BLVRA: variants seen among roughly 807,000 people sequenced by gnomAD.
BLVRA encodes biliverdin reductase A, also known as BVR A.
In BLVRA, 22 loss-of-function variants were observed where a neutral mutation model predicts 32.8. The ratio of observed to expected loss-of-function variants is 0.67; its 90% CI spans 0.48 to 0.96. The LOEUF (loss-of-function observed/expected upper bound fraction) is 0.96. Ranked by LOEUF, BLVRA falls within the 40% of genes least tolerant of loss-of-function variation. BLVRA has a pLI of 0.00. For synonymous variants in BLVRA, 119 were observed against 141.3 expected, an observed-to-expected ratio of 0.84 and a Z score of 1.12; for missense variants, 323 against 358.1, an observed-to-expected ratio of 0.90 and a Z score of 0.79.
intron 7 of BLVRA, among the ~76,000 whole-genome samples, chr7:43,805,102 G>GTGTAT (rs2095802712): frequency 4.6e-5 from 7 of 152,138 alleles, no homozygotes; most frequent in Admixed American, 4.6e-4. Flanking sequence ...ACAGACAGTT[G>GTGTAT]TAGCACCCTG....
chr7:43,767,541 T>G, intron 1 of BLVRA: 1 of 1,101,034 alleles, frequency 9.1e-7, no homozygotes, highest in Non-Finnish European at 1.4e-6. Context: ...CTGGCCCTCT[T>G]TATGTATGTG....
chr7:43,795,791 C>G (rs2095791986), intron 5 of BLVRA, among the ~76,000 whole-genome samples: 1 of 151,580 alleles, frequency 6.6e-6, no homozygotes, highest in Non-Finnish European at 1.5e-5. Context: ...ATAAAATTGA[C>G]AGAATTTTAG....
chr7:43,805,710 A>T (rs1563554251), intron 7 of BLVRA, among the ~76,000 whole-genome samples: 1 of 151,990 alleles, frequency 6.6e-6, no homozygotes, highest in Non-Finnish European at 1.5e-5. Flanking sequence ...GCATTTTTAA[A>T]TTTTTTTATC....
chr7:43,776,972 A>T (rs140441017), intron 2 of BLVRA, among the ~76,000 whole-genome samples: 4 of 151,782 alleles, frequency 2.6e-5, no homozygotes, highest in African/African-American at 9.7e-5. Flanking sequence ...AACCCCTACC[A>T]TTTTTTGTTT....
In BLVRA at chr7:43,787,789, GT is replaced by G; in HGVS notation, c.13-111del. 6.5e-7 allele frequency: 1 copy of G among 1,529,006 alleles called. No homozygotes were observed. The highest frequency in any genetic ancestry group is 1.1e-5 in the South Asian group (1 of 88,796). 94.7% of individuals were successfully genotyped at this position (1,529,006 alleles called of 1,614,324 possible). ...ATCCTGATGCTGTGGCTTCCTGTGT[GT>G]TTTGGGCTGGCTTCCATCTTGCTCG... On this transcript the variant is annotated intron_variant, in intron 2 of 7. Coordinates refer to ENST00000265523, the MANE Select transcript of BLVRA (RefSeq NM_000712.4). The surrounding 1 kb of genome is among the most constrained non-coding windows in gnomAD (Gnocchi z 4.5).
At chr7:43,762,511 G>A (rs1032917543) in intron 1 of BLVRA, among the ~76,000 whole-genome samples, 5 of 150,320 alleles carry the variant, frequency 3.3e-5, no homozygotes, top group African/African-American at 9.8e-5. Flanking sequence ...TTAATTTACT[G>A]TGAGATTTTG....
At chr7:43,799,744 G>C (rs775905128) in intron 5 of BLVRA, among the ~76,000 whole-genome samples, 4 of 152,012 alleles carry the variant, frequency 2.6e-5, no homozygotes, top group Non-Finnish European at 5.9e-5. Context: ...AAAGTGCTGG[G>C]ATTATAGGCA....
At chr7:43,788,090 G>C in intron 3 of BLVRA, 65 bp downstream of exon 3, 2 of 1,613,220 alleles carry the variant, frequency 1.2e-6, no homozygotes, top group Non-Finnish European at 1.7e-6. Context: ...TTAGCTGCAG[G>C]ACATGGAGAT....
chr7:43,781,300 A>G (rs79213456), intron 2 of BLVRA, among the ~76,000 whole-genome samples: 8,384 of 151,542 alleles, frequency 0.055, 334 homozygotes, highest in Admixed American at 0.11. Flanking sequence ...TATAGTCACA[A>G]CCTCCCCTTG....
intron 1 of BLVRA, among the ~76,000 whole-genome samples, chr7:43,761,828 CAAAA>C (rs1171008280): frequency 6.6e-6 from 1 of 151,948 alleles, no homozygotes. Flanking sequence ...TACAGAGAAG[CAAAA>C]AGAAAGTAGT....
rs779568837 is a variant in BLVRA, at chr7:43,787,973, C to T, written c.82C>T (p.Arg28Trp). The T allele has an allele frequency of 9.9e-6, 16 of 1,614,040 alleles. No homozygotes were observed. The highest frequency in any genetic ancestry group is 5.0e-5 in the Admixed American group (3 of 59,998). Residue 28 changes from arginine to tryptophan, a missense_variant, in exon 3 of 8, where the codon CGG (arginine) becomes TGG (tryptophan). By Grantham distance (101) the Arg-to-Trp change is moderately radical. Transcript: ENST00000265523. This position sits in a 1 kb window ranked among gnomAD's most constrained non-coding sequence, Gnocchi z 4.5. ...CGGCTCCGTGCGGATGAGGGACTTG[C>T]GGAATCCACACCCTTCCTCAGCGTT... ...RAGSVRMRDLRNPHPSSAFLN... is the reference protein window; with the variant it reads ...RAGSVRMRDLWNPHPSSAFLN...
At chr7:43,796,133 A>AAAAG (rs1554584740) in intron 5 of BLVRA, among the ~76,000 whole-genome samples, 1 of 151,270 alleles carries the variant, frequency 6.6e-6, no homozygotes, top group African/African-American at 2.4e-5. Flanking sequence ...AAAAAAAAAA[A>AAAAG]AAAAGAAAAG....
chr7:43,791,307 A>G lies in BLVRA; in HGVS notation c.193A>G (p.Ser65Gly). The change falls in exon 4 of 8, where the codon AGC becomes GGC. Residue 65 changes from serine to glycine, a missense_variant. Transcript: ENST00000265523. The part of the protein sequence containing the change: ...QQISLEDALS[S>G]QEVEVAYICS... The stretch of plus-strand genomic sequence containing the variant: ...GATTTCTTTGGAGGATGCTCTTTCC[A>G]GCCAAGAGGTGGAGGTCGCCTATAT... 1.9e-6 allele frequency: 3 copies of G among 1,614,106 alleles called. No individual in the cohort carries two copies. The highest frequency in any genetic ancestry group is 2.5e-6 in the Non-Finnish European group (3 of 1,179,940).
chr7:43,775,570 A>G (rs1273568425), intron 2 of BLVRA, among the ~76,000 whole-genome samples: 1 of 152,182 alleles, frequency 6.6e-6, no homozygotes, highest in Non-Finnish European at 1.5e-5. Flanking sequence ...TTTTGCATCA[A>G]TGTTCATCAA....
At chr7:43,763,388 A>C (rs981007873) in intron 1 of BLVRA, among the ~76,000 whole-genome samples, 2 of 152,142 alleles carry the variant, frequency 1.3e-5, no homozygotes, top group African/African-American at 2.4e-5. Flanking sequence ...CCACTGGCTA[A>C]ACCCAGCTGG....
rs1217023868 is a variant in BLVRA at position 43,787,242 on chromosome 7, A to C, written c.13-662A>C. On this transcript the variant is annotated intron_variant, in intron 2 of 7. Transcript: ENST00000265523. This position sits in a 1 kb window ranked among gnomAD's most constrained non-coding sequence, Gnocchi z 4.5. ...CCAGTGCATGGAGATAAATTTTATCAGTTTTTATTATACTGAGTTGCTGTA... is the reference window on the plus strand; with the variant it reads ...CCAGTGCATGGAGATAAATTTTATCCGTTTTTATTATACTGAGTTGCTGTA... Among the ~76,000 whole-genome samples, 1 of 152,182 alleles carries C rather than the reference A, an allele frequency of 6.6e-6. No individual in the cohort carries two copies. The highest frequency in any genetic ancestry group is 1.5e-5 in the Non-Finnish European group (1 of 68,034).
intron 2 of BLVRA, among the ~76,000 whole-genome samples, chr7:43,774,629 T>C (rs923392165): frequency 3.9e-5 from 6 of 152,240 alleles, no homozygotes; most frequent in Admixed American, 6.5e-5. Flanking sequence ...CGGGCTCTTT[T>C]TTGGTTCCAT....
At chr7:43,774,432 A>G (rs2095758261) in intron 2 of BLVRA, among the ~76,000 whole-genome samples, 1 of 152,218 alleles carries the variant, frequency 6.6e-6, no homozygotes, top group Non-Finnish European at 1.5e-5. Context: ...CGGGTTTGTC[A>G]AAGATCAGAT....
At chr7:43,782,764 G>C (rs2095771511) in intron 2 of BLVRA, among the ~76,000 whole-genome samples, 1 of 152,192 alleles carries the variant, frequency 6.6e-6, no homozygotes, top group Non-Finnish European at 1.5e-5. Context: ...AACCTCGGTA[G>C]CATGAGGTAA....
Sources: gnomAD v4.1 joint callset for allele counts (sites outside exome capture counted in the v4.1 genomes callset) on GRCh38, gnomAD v4.1.1 for gene constraint, Gnocchi (gnomAD v3.1) non-coding constraint, MANE v1.5 for transcripts, NCBI Gene and HGNC (gene_info 2026-07-23, HGNC 2026-07-21) for gene names.